Variants in FBN1 observed in about 807,000 individuals in gnomAD.
FBN1 encodes fibrillin-1.
Under a neutral mutation model 365.1 loss-of-function variants are expected in FBN1, and 29 were observed. The observed-to-expected ratio is 0.08, with a 90% confidence interval of 0.06 to 0.11. The LOEUF (loss-of-function observed/expected upper bound fraction) is 0.11, where lower values mean the gene tolerates loss of function less well. Ranked by LOEUF, FBN1 falls within the 10% of genes least tolerant of loss-of-function variation. The pLI, the probability that FBN1 is intolerant of heterozygous loss-of-function variation, is 1.00. For synonymous variants in FBN1, 1,210 were observed against 1,270.5 expected, an observed-to-expected ratio of 0.95 and a Z score of 1.01; for missense variants, 2,476 against 3,703.2, an observed-to-expected ratio of 0.67 and a Z score of 8.60.
chr15:48,620,416 TAA>T (rs2140748879), intron 2 of FBN1, among the ~76,000 whole-genome samples: 2 of 152,316 alleles, frequency 1.3e-5, no homozygotes, highest in East Asian at 1.9e-4. Flanking sequence ...TTCTATGAAA[TAA>T]GTTATTACTT....
At chr15:48,458,212 A>G (rs2043255484) in intron 43 of FBN1, among the ~76,000 whole-genome samples, 1 of 152,360 alleles carries the variant, frequency 6.6e-6, no homozygotes, top group Non-Finnish European at 1.5e-5. Context: ...TGAGAAGATG[A>G]TCACGGACTG....
At chr15:48,481,842 C>A in intron 31 of FBN1, 62 bp from the exon 32 acceptor site, 1 of 1,479,882 alleles carries the variant, frequency 6.8e-7, no homozygotes, top group South Asian at 1.1e-5. Flanking sequence ...ACTTTCCCCT[C>A]GAGACATAAT....
At chr15:48,594,528 T>C (rs1389575583) in intron 6 of FBN1, among the ~76,000 whole-genome samples, 1 of 152,262 alleles carries the variant, frequency 6.6e-6, no homozygotes, top group African/African-American at 2.4e-5. Context: ...GAGAAACCTC[T>C]GAGTAACATG....
At chr15:48,564,957 CT>C (rs1349658110) in intron 6 of FBN1, among the ~76,000 whole-genome samples, 2 of 152,154 alleles carry the variant, frequency 1.3e-5, no homozygotes, top group Non-Finnish European at 2.9e-5. Flanking sequence ...GATTACTTTC[CT>C]ATGTACCAAG....
intron 17 of FBN1, among the ~76,000 whole-genome samples, chr15:48,502,194 TTTTG>T (rs1012600008): frequency 7.2e-5 from 11 of 151,946 alleles, no homozygotes; most frequent in East Asian, 1.9e-4. Flanking sequence ...ACGCATGACT[TTTTG>T]TTTGTTTGTT....
intron 24 of FBN1, among the ~76,000 whole-genome samples, chr15:48,491,517 C>CT (rs1301014521): frequency 3.3e-5 from 5 of 151,852 alleles, no homozygotes; most frequent in Non-Finnish European, 7.4e-5. Context: ...TGCCTGGCTA[C>CT]TTTTTTTGTA....
chr15:48,425,712 G>A (rs768742765), intron 59 of FBN1, 27 bp downstream of exon 59: 2 of 1,610,942 alleles, frequency 1.2e-6, no homozygotes, highest in South Asian at 2.2e-5. Flanking sequence ...TCCACTTGAG[G>A]ATAAGCCATC....
chr15:48,565,911 G>A (rs1201584386), intron 6 of FBN1, among the ~76,000 whole-genome samples: 1 of 152,056 alleles, frequency 6.6e-6, no homozygotes, highest in Non-Finnish European at 1.5e-5. Flanking sequence ...TTGAGCCTGA[G>A]GAATTAAAAA....
chr15:48,410,012 A>G lies in FBN1; in HGVS notation c.*978T>C, dbSNP rs777471927. The stretch of plus-strand genomic sequence containing the variant: ...GGATAATTTAAATCCAGGAGACTTT[A>G]TTTAGCCTCCGGAATGGCCCCTCCA... On this transcript the variant is annotated 3_prime_UTR_variant, in exon 66 of 66. Coordinates refer to ENST00000316623, the MANE Select transcript of FBN1 (RefSeq NM_000138.5). 6.6e-6 allele frequency: 1 copy of G among 152,642 alleles called. No individual in the cohort carries two copies. Among genetic ancestry groups the G allele is most frequent in the African/African-American group, 2.4e-5 (1 of 41,470 alleles). The allele number at this position is 152,642 out of a possible 1,614,324, so 9.5% of individuals were successfully genotyped here.
intron 4 of FBN1, among the ~76,000 whole-genome samples, chr15:48,604,510 C>T (rs2044591493): frequency 1.3e-5 from 2 of 152,166 alleles, no homozygotes; most frequent in African/African-American, 2.4e-5. Flanking sequence ...TAAAGACACA[C>T]AGCTTGGAAG....
At chr15:48,411,540 T>C (rs370823570) in intron 65 of FBN1, among the ~76,000 whole-genome samples, 161 bp from the exon 66 acceptor site, 1 of 152,264 alleles carries the variant, frequency 6.6e-6, no homozygotes, top group South Asian at 2.1e-4. Flanking sequence ...GTGTATTAAA[T>C]TGGCACATAT....
chr15:48,644,463 G>A (rs1157918647), intron 2 of FBN1, 143 bp downstream of exon 2: 19 of 1,100,558 alleles, frequency 1.7e-5, no homozygotes, highest in Admixed American at 5.5e-5. Flanking sequence ...CGAACGGGGT[G>A]GGGACTAAAC....
intron 6 of FBN1, among the ~76,000 whole-genome samples, chr15:48,540,823 T>C (rs558941042): frequency 6.0e-4 from 91 of 152,324 alleles, no homozygotes; most frequent in African/African-American, 2.2e-3. Flanking sequence ...TAGCTTGCCA[T>C]ATTCAATCCT....
At chr15:48,464,920 C>T (rs2043308569) in intron 40 of FBN1, among the ~76,000 whole-genome samples, 1 of 152,174 alleles carries the variant, frequency 6.6e-6, no homozygotes, top group African/African-American at 2.4e-5. Context: ...TTGCCATTGT[C>T]TGGGTGACCT....
chr15:48,508,847 T>A, intron 14 of FBN1, 143 bp from the exon 15 acceptor site: 1 of 1,001,862 alleles, frequency 1.0e-6, no homozygotes, highest in South Asian at 1.6e-5. Flanking sequence ...CCAAATAAGA[T>A]CATCTAAGGA....
intron 46 of FBN1, 113 bp from the exon 47 acceptor site, chr15:48,446,935 G>C (rs1566898898): frequency 1.4e-6 from 1 of 719,428 alleles, no homozygotes; most frequent in Non-Finnish European, 2.5e-6. Context: ...CATAGGCTGA[G>C]AACTTCTTGA....
At chr15:48,520,049 G>T (rs2043837910) in intron 10 of FBN1, among the ~76,000 whole-genome samples, 1 of 152,098 alleles carries the variant, frequency 6.6e-6, no homozygotes, top group Non-Finnish European at 1.5e-5. Context: ...TAGTCAAAAG[G>T]TGTCTCCTTT....
chr15:48,634,678 C>G (rs569132704), intron 2 of FBN1, among the ~76,000 whole-genome samples: 1 of 152,094 alleles, frequency 6.6e-6, no homozygotes, highest in South Asian at 2.1e-4. Context: ...AAGGTTTTAA[C>G]TCTCATTTGA....
At chr15:48,428,617 C>A (rs2043001264) in intron 56 of FBN1, 146 bp from the exon 57 acceptor site, 2 of 843,994 alleles carry the variant, frequency 2.4e-6, no homozygotes, top group Non-Finnish European at 3.9e-6. Flanking sequence ...CCTTCCCTCC[C>A]TCTCACCTTC....
Sources: allele counts gnomAD v4.1 joint callset (sites outside exome capture counted in the v4.1 genomes callset), GRCh38; gene constraint gnomAD v4.1.1; transcripts MANE v1.5; gene names NCBI Gene and HGNC (gene_info 2026-07-23, HGNC 2026-07-21).